The following ASIP variants were observed in gnomAD, a reference collection of about 807,000 sequenced individuals.
ASIP encodes the protein agouti signaling protein, also known as agouti-signaling protein.
ASIP carries 11 observed loss-of-function variants against 10.3 expected under a neutral mutation model. The ratio of observed to expected loss-of-function variants is 1.07; its 90% CI spans 0.68 to 1.78. The LOEUF (loss-of-function observed/expected upper bound fraction) is 1.78. Ranked by LOEUF, ASIP falls within the 40% of genes most tolerant of loss-of-function variation. ASIP has a pLI of 0.00. For missense variants in ASIP, 180 were observed against 169.2 expected, an observed-to-expected ratio of 1.06 and a Z score of -0.35; for synonymous variants, 70 against 70.8, an observed-to-expected ratio of 0.99 and a Z score of 0.06.
intron 1 of ASIP, among the ~76,000 whole-genome samples, chr20:34,227,525 G>A (rs1358780645): frequency 1.3e-5 from 2 of 151,860 alleles, no homozygotes; most frequent in South Asian, 2.1e-4. Flanking sequence ...CAGCTACTCG[G>A]GAGGCTAAGG....
intron 1 of ASIP, chr20:34,213,712 T>G: frequency 1.3e-6 from 2 of 1,521,356 alleles, no homozygotes; most frequent in South Asian, 2.2e-5. Flanking sequence ...CGGAAAAACT[T>G]CTTCCTCCAG....
intron 1 of ASIP, among the ~76,000 whole-genome samples, chr20:34,222,627 TC>T (rs943375176): frequency 1.1e-4 from 14 of 126,414 alleles, no homozygotes; most frequent in African/African-American, 6.8e-4. Flanking sequence ...CAAAAGTTAC[TC>T]CCTCTCCCTC....
intron 1 of ASIP, chr20:34,214,548 A>C (rs2034995096): frequency 6.7e-7 from 1 of 1,502,698 alleles, no homozygotes; most frequent in East Asian, 2.3e-5. Context: ...TGAACCGTGT[A>C]GTCTGCCAAT....
At chr20:34,239,367 C>A (rs1326171653), upstream of ASIP, among the ~76,000 whole-genome samples, 1 of 152,132 alleles carries the variant, frequency 6.6e-6, no homozygotes, top group Admixed American at 6.5e-5. Context: ...CAGGCACCTG[C>A]CACCACACCT....
chr20:34,254,343 G>A (rs1388253101), intron 1 of ASIP, among the ~76,000 whole-genome samples: 2 of 152,218 alleles, frequency 1.3e-5, no homozygotes, highest in Non-Finnish European at 2.9e-5. Flanking sequence ...GATTATAGGC[G>A]TGAGCCACAG....
At chr20:34,262,764 CT>C in intron 2 of ASIP, 67 bp from the exon 3 acceptor site, 1 of 1,579,942 alleles carries the variant, frequency 6.3e-7, no homozygotes, top group East Asian at 2.2e-5. Context: ...CCCTCTGCCC[CT>C]CTCACTTCAC....
chr20:34,194,832 A>G (rs1224464655), intron 1 of ASIP: 1 of 152,176 alleles, frequency 6.6e-6, no homozygotes, highest in Non-Finnish European at 1.5e-5. Flanking sequence ...TACAATATCT[A>G]TGCTATAGTA....
chr20:34,205,009 T>C (rs1013398942), intron 1 of ASIP, among the ~76,000 whole-genome samples: 1 of 152,256 alleles, frequency 6.6e-6, no homozygotes, highest in South Asian at 2.1e-4. Flanking sequence ...TTTTGAAAGG[T>C]ACAATAAATT....
chr20:34,224,535 AC>A (rs1373330964), intron 1 of ASIP, among the ~76,000 whole-genome samples: 2 of 152,112 alleles, frequency 1.3e-5, no homozygotes, highest in Non-Finnish European at 2.9e-5. Context: ...TGAATCAGAA[AC>A]ATGCATACAT....
the ASIP span, among the ~76,000 whole-genome samples, chr20:34,188,848 A>G: frequency 9.2e-5 from 14 of 152,148 alleles, no homozygotes; most frequent in African/African-American, 2.9e-4. Flanking sequence ...CAAAATTACT[A>G]TTTGTGACCC....
chr20:34,192,415 GCTCCTCC>G (rs2034829663), upstream of ASIP, among the ~76,000 whole-genome samples: 2 of 152,090 alleles, frequency 1.3e-5, no homozygotes, highest in African/African-American at 4.8e-5. Flanking sequence ...AGGCTCAAGT[GCTCCTCC>G]TGCCTCAACC....
At chr20:34,220,660 C>A (rs1266830428) in intron 1 of ASIP, among the ~76,000 whole-genome samples, 1 of 151,378 alleles carries the variant, frequency 6.6e-6, no homozygotes, top group African/African-American at 2.4e-5. Flanking sequence ...TTTAACTCAA[C>A]ACGGGGAATC....
chr20:34,201,686 G>C (rs1268460494), intron 1 of ASIP, among the ~76,000 whole-genome samples: 2 of 152,158 alleles, frequency 1.3e-5, no homozygotes, highest in Non-Finnish European at 1.5e-5. Flanking sequence ...CACCAAAGAG[G>C]ATTTTTTTTC....
At chr20:34,214,177 T>A in intron 1 of ASIP, 2 of 1,245,480 alleles carry the variant, frequency 1.6e-6, no homozygotes, top group South Asian at 2.4e-5. Context: ...ATATCCTCAA[T>A]GAAAGGATTC....
intron 3 of ASIP, 84 bp from the exon 4 acceptor site, chr20:34,268,907 C>G: frequency 6.6e-7 from 1 of 1,509,092 alleles, no homozygotes; most frequent in Non-Finnish European, 9.0e-7. Flanking sequence ...CGGGATCTCC[C>G]TAGCCCGAGG....
At chr20:34,224,130 C>T (rs1284997300) in intron 1 of ASIP, among the ~76,000 whole-genome samples, 40 of 145,728 alleles carry the variant, frequency 2.7e-4, no homozygotes, top group Non-Finnish European at 3.8e-4. Flanking sequence ...CCTTTGTTCA[C>T]TTGTTTATCT....
chr20:34,217,204 A>T (rs55827950), intron 1 of ASIP, among the ~76,000 whole-genome samples: 1 of 152,030 alleles, frequency 6.6e-6, no homozygotes, highest in African/African-American at 2.4e-5. Context: ...TTGAGAGGCC[A>T]AGGCAGGTGG....
At chr20:34,192,641 G>T (rs901991874), upstream of ASIP, among the ~76,000 whole-genome samples, 1 of 151,678 alleles carries the variant, frequency 6.6e-6, no homozygotes, top group African/African-American at 2.4e-5. Flanking sequence ...GTGAAGAACA[G>T]AAATGGCAGA....
chr20:34,244,827 T>C (rs79809471), intron 1 of ASIP, among the ~76,000 whole-genome samples: 1 of 152,252 alleles, frequency 6.6e-6, no homozygotes, highest in East Asian at 1.9e-4. Context: ...GCCCGTAGGG[T>C]GGACTTTGTA....
Sources: gnomAD v4.1 joint callset for allele counts (sites outside exome capture counted in the v4.1 genomes callset) on GRCh38, gnomAD v4.1.1 for gene constraint, MANE v1.5 for transcripts, NCBI Gene and HGNC (gene_info 2026-07-23, HGNC 2026-07-21) for gene names.